The following INPP5B variants were observed in gnomAD, a reference collection of about 807,000 sequenced individuals.
INPP5B encodes the protein type II inositol 1,4,5-trisphosphate 5-phosphatase.
INPP5B carries 90 observed loss-of-function variants against 118.5 expected under a neutral mutation model. The observed-to-expected ratio is 0.76, with a 90% CI of 0.64 to 0.90. INPP5B has a LOEUF of 0.90. INPP5B is among the 40% of genes least tolerant of loss of function. The probability of loss-of-function intolerance (pLI) is 0.00; values close to 1 mark genes in which losing one functional copy is unlikely to be tolerated. For synonymous variants in INPP5B, 385 were observed against 418.9 expected (o/e 0.92, Z 0.99); for missense variants, 984 against 1,125.6 (o/e 0.87, Z 1.80).
intron 13 of INPP5B, 24 bp from the exon 14 acceptor site, chr1:37,882,942 A>G (rs1643294524): frequency 6.2e-7 from 1 of 1,613,892 alleles, no homozygotes; most frequent in African/African-American, 1.3e-5. Context: ...GCACAAAGGT[A>G]ACAGGGTTTA....
intron 7 of INPP5B, among the ~76,000 whole-genome samples, chr1:37,910,107 T>C (rs1236771813): frequency 6.6e-6 from 1 of 152,208 alleles, no homozygotes; most frequent in Non-Finnish European, 1.5e-5. Context: ...CCAGATCGTC[T>C]CAGCTTAGCG....
rs58150703 is a variant in INPP5B, at chr1:37,932,363, CTTTTTT to C, written c.392-316_392-311del. On this transcript the variant is annotated intron_variant, in intron 6 of 23. Transcript: ENST00000373024. ...TATTATCCCAATTTTCTTTTCTTTT[CTTTTTT>C]TTTTTTTTTTTTTTTTTGAGACGGA... is the stretch of plus-strand genomic sequence containing the variant. Among the ~76,000 whole-genome samples, 9 of 87,808 alleles carry C rather than the reference CTTTTTT, an allele frequency of 1.0e-4. No individual in the cohort carries two copies. In the East Asian group the frequency reaches 1.6e-3, roughly 16 times the overall value. The allele number at this position is 87,808 out of a possible 152,430, so 57.6% of individuals were successfully genotyped here.
chr1:37,928,646 C>T (rs61776683), intron 7 of INPP5B: 13,907 of 152,296 alleles, frequency 0.091, 794 homozygotes, highest in Middle Eastern at 0.24. Context: ...AGGCATAAGC[C>T]ACTGTGCCTG....
chr1:37,885,865 A>C (rs188757773), intron 12 of INPP5B, 40 bp from the exon 13 acceptor site: 35 of 1,585,908 alleles, frequency 2.2e-5, no homozygotes, highest in African/African-American at 1.9e-4. Flanking sequence ...TTCAAACTTA[A>C]TTGTGTCAGT....
intron 6 of INPP5B, among the ~76,000 whole-genome samples, chr1:37,940,187 C>T (rs1001004977): frequency 1.2e-4 from 18 of 152,310 alleles, no homozygotes; most frequent in Non-Finnish European, 2.2e-4. Context: ...CTTTACCTGC[C>T]GGGCTAATGT....
chr1:37,868,894 G>A (rs1037067917), intron 19 of INPP5B, among the ~76,000 whole-genome samples: 15 of 152,232 alleles, frequency 9.9e-5, no homozygotes, highest in Admixed American at 1.3e-4. Context: ...ATTAGAACCA[G>A]AGAGAAGTTG....
At position 37,886,988 on chromosome 1, in the gene INPP5B, A is replaced by G. The variant is rs1276928568; in HGVS notation, c.1031T>C (p.Leu344Pro). 1 of 1,614,056 alleles carries G rather than the reference A, an allele frequency of 6.2e-7. No homozygotes were observed. Among genetic ancestry groups the G allele is most frequent in the East Asian group, 2.2e-5 (1 of 44,878 alleles). ...AKYAKVKLIR[L>P]VGIMLLLYVK... ...ATATAACAGCAGCATAATCCCAACC[A>G]GTCGGATAAGCTTCACCTGGAAAAG... Residue 344 changes from leucine (L) to proline (P), a missense_variant, in exon 12 of 24, where the codon CTG (leucine) becomes CCG (proline). This residue lies in a region of INPP5B where 634 missense variants were observed against 791.0 expected (regional missense o/e 0.80). Coordinates refer to ENST00000373024, the MANE Select transcript of INPP5B (RefSeq NM_005540.3).
chr1:37,945,131 A>T (rs1272667701), intron 3 of INPP5B, among the ~76,000 whole-genome samples: 1 of 145,906 alleles, frequency 6.9e-6, no homozygotes, highest in African/African-American at 2.4e-5. Context: ...CCCCGTCTCT[A>T]AAAAAAAGAT....
At position 37,943,788 on chromosome 1, in the gene INPP5B, T is replaced by A; in HGVS notation, c.250+8A>T. On this transcript the variant is annotated splice_region_variant and intron_variant, in intron 4 of 23. Coordinates refer to ENST00000373024, the MANE Select transcript of INPP5B (RefSeq NM_005540.3). ...AGAGGATTCATACCACCCAGCCCCC[T>A]GTGGCACCTTCTTCCAGCGTAAAAT... is the stretch of plus-strand genomic sequence containing the variant. 3.7e-6 allele frequency: 6 copies of A among 1,613,528 alleles called. No individual in the cohort carries two copies. Among genetic ancestry groups the A allele is most frequent in the Non-Finnish European group, 5.1e-6 (6 of 1,179,460 alleles).
intron 7 of INPP5B, among the ~76,000 whole-genome samples, chr1:37,903,726 CAAA>C (rs56197070): frequency 2.5e-4 from 37 of 147,492 alleles, no homozygotes; most frequent in South Asian, 6.4e-4. Context: ...GACTCCGTCT[CAAA>C]AAAAAAAAAA....
chr1:37,877,594 G>A (rs190812457), intron 16 of INPP5B, among the ~76,000 whole-genome samples: 182 of 152,226 alleles, frequency 1.2e-3, no homozygotes, highest in Non-Finnish European at 2.3e-3. Flanking sequence ...TATTTGAACC[G>A]CTAATTTCAT....
At chr1:37,876,773 G>C (rs1028728460) in intron 16 of INPP5B, among the ~76,000 whole-genome samples, 24 of 151,160 alleles carry the variant, frequency 1.6e-4, no homozygotes, top group African/African-American at 5.6e-4. Context: ...CCAGCTACTC[G>C]GGAGGCTGAG....
At chr1:37,936,010 A>G (rs1412139788) in intron 6 of INPP5B, among the ~76,000 whole-genome samples, 1 of 151,846 alleles carries the variant, frequency 6.6e-6, no homozygotes, top group Non-Finnish European at 1.5e-5. Flanking sequence ...AGCTTGCAGT[A>G]AGCCGAGATC....
intron 7 of INPP5B, among the ~76,000 whole-genome samples, chr1:37,896,197 C>A (rs1266883692): frequency 6.7e-6 from 1 of 148,704 alleles, no homozygotes; most frequent in Non-Finnish European, 1.5e-5. Flanking sequence ...CGTCTCTGCC[C>A]GGCCGCCCCG....
intron 7 of INPP5B, among the ~76,000 whole-genome samples, chr1:37,916,793 T>G (rs1337592575): frequency 1.3e-5 from 2 of 152,104 alleles, no homozygotes; most frequent in Non-Finnish European, 2.9e-5. Flanking sequence ...AATACCCCAT[T>G]TGTTTTGAGA....
intron 4 of INPP5B, 32 bp downstream of exon 4, chr1:37,943,764 G>A: frequency 6.2e-7 from 1 of 1,611,112 alleles, no homozygotes; most frequent in Non-Finnish European, 8.5e-7. Flanking sequence ...GCCCATAGGA[G>A]AGGATTCATA....
At chr1:37,924,855 T>C (rs541743445) in intron 7 of INPP5B, among the ~76,000 whole-genome samples, 13 of 152,024 alleles carry the variant, frequency 8.6e-5, no homozygotes, top group Admixed American at 2.6e-4. Flanking sequence ...CTGGCCAACA[T>C]GGTGAAACCC....
chr1:37,868,069 G>T (rs144549831), intron 20 of INPP5B, among the ~76,000 whole-genome samples: 1 of 152,154 alleles, frequency 6.6e-6, no homozygotes, highest in Non-Finnish European at 1.5e-5. Context: ...GAGCGCGGTG[G>T]CTCATGCCTG....
At chr1:37,866,400 TCTCTCTCACACA>T (rs1216306459) in intron 21 of INPP5B, 47 bp downstream of exon 21, 62 of 685,652 alleles carry the variant, frequency 9.0e-5, no homozygotes, top group African/African-American at 4.6e-4. Context: ...TCTCTCTCTC[TCTCTCTCACACA>T]CACACACACA....
Sources: allele counts gnomAD v4.1 joint callset (sites outside exome capture counted in the v4.1 genomes callset), GRCh38; gene constraint gnomAD v4.1.1; regional missense constraint gnomAD v4.1.1; transcripts MANE v1.5; gene names NCBI Gene and HGNC (gene_info 2026-07-23, HGNC 2026-07-21).